ROR2: variants seen among roughly 807,000 people sequenced by gnomAD.
ROR2 encodes tyrosine-protein kinase transmembrane receptor ROR2.
ROR2 carries 33 observed loss-of-function variants against 74.9 expected under a neutral mutation model. That is an observed-to-expected ratio of 0.44 (90% confidence interval 0.33 to 0.59). The LOEUF is 0.59. ROR2 is among the 20% of genes least tolerant of loss of function. ROR2 has a pLI of 0.02. For missense variants in ROR2, 1,216 were observed against 1,313.8 expected, an observed-to-expected ratio of 0.93 and a Z score of 1.15; for synonymous variants, 586 against 558.7, an observed-to-expected ratio of 1.05 and a Z score of -0.69.
rs190987949 is a variant in ROR2, at chr9:91,937,556, C to G, written c.97+12311G>C. 1.0e-3 allele frequency among the ~76,000 whole-genome samples: 158 copies of G among 152,218 alleles called. 1 individual carries two copies. The Middle Eastern group carries it at 0.02, about 20-fold the overall frequency. Reference sequence around the variant, plus strand: ...TCTGGTCAGAGCCAGACAAAGGATTCTTACAAAGCAAGGAGGGAGATGAAG... The same window carrying G: ...TCTGGTCAGAGCCAGACAAAGGATTGTTACAAAGCAAGGAGGGAGATGAAG... On this transcript the variant is annotated intron_variant, in intron 1 of 8. Coordinates refer to ENST00000375708, the MANE Select transcript of ROR2 (RefSeq NM_004560.4).
Position 91,795,210 on chromosome 9 carries a change from G to A in ROR2, c.98-19392C>T, listed in dbSNP as rs145849219. ...CATTTAGATTTCTCTGCCTCTAATC[G>A]CCCCATGCATTTCTAATATGAGACA... is the stretch of plus-strand genomic sequence containing the variant. On this transcript the variant is annotated intron_variant, in intron 1 of 8. Coordinates refer to ENST00000375708, the MANE Select transcript of ROR2 (RefSeq NM_004560.4). Among the ~76,000 whole-genome samples, 313 of 151,860 alleles carry A rather than the reference G, an allele frequency of 2.1e-3. 3 individuals are homozygous for A. Among genetic ancestry groups the A allele is most frequent in the African/African-American group, 6.8e-3 (280 of 41,416 alleles).
At chr9:91,858,470 A>G (rs57464764) in intron 1 of ROR2, among the ~76,000 whole-genome samples, 10,969 of 152,276 alleles carry the variant, frequency 0.072, 467 homozygotes, top group Middle Eastern at 0.14. Context: ...AAAGTGCCCA[A>G]TGAGGAGCAG....
At chr9:91,943,901 A>G (rs977196851) in intron 1 of ROR2, among the ~76,000 whole-genome samples, 1 of 152,236 alleles carries the variant, frequency 6.6e-6, no homozygotes, top group Non-Finnish European at 1.5e-5. Context: ...AACCACCTCA[A>G]CATAGTAAAA....
In ROR2 at chr9:91,911,197, C is replaced by CT. The variant is rs1830971109; in HGVS notation, c.97+38669_97+38670insA. Among the ~76,000 whole-genome samples, 7 of 152,258 alleles carry CT rather than the reference C, an allele frequency of 4.6e-5. No homozygotes were observed. The South Asian group carries it at 1.5e-3, about 32-fold the overall frequency. ...TCTACACACAGGCTCTTTTTGAAAA[C>CT]AATGCACCAGAACAAACTATAGTCA... On this transcript the variant is annotated intron_variant, in intron 1 of 8. Coordinates refer to ENST00000375708, the MANE Select transcript of ROR2 (RefSeq NM_004560.4).
chr9:91,748,996 A>G (rs1416642928), intron 4 of ROR2, among the ~76,000 whole-genome samples: 2 of 152,246 alleles, frequency 1.3e-5, no homozygotes, highest in Non-Finnish European at 2.9e-5. Context: ...ACTGCACTGC[A>G]GCCTGGGCAA....
At chr9:91,863,520 GAAAAC>G (rs1829537576) in intron 1 of ROR2, among the ~76,000 whole-genome samples, 1 of 151,946 alleles carries the variant, frequency 6.6e-6, no homozygotes, top group Non-Finnish European at 1.5e-5. Context: ...TAAAAGAAAA[GAAAAC>G]AAAAACAAAA....
intron 1 of ROR2, among the ~76,000 whole-genome samples, chr9:91,838,128 C>G (rs1828668773): frequency 6.6e-6 from 1 of 152,152 alleles, no homozygotes; most frequent in African/African-American, 2.4e-5. Context: ...GTTCCTTAAC[C>G]TGGGCATACC....
At chr9:91,725,239 T>C in intron 8 of ROR2, 132 bp from the exon 9 acceptor site, 1 of 1,516,430 alleles carries the variant, frequency 6.6e-7, no homozygotes, top group Non-Finnish European at 9.0e-7. Flanking sequence ...CCCGCTGGTT[T>C]TGCCCACCCA....
intron 1 of ROR2, among the ~76,000 whole-genome samples, chr9:91,842,260 C>G (rs1373261439): frequency 6.6e-6 from 1 of 152,224 alleles, no homozygotes; most frequent in South Asian, 2.1e-4. Context: ...CGAGCATACT[C>G]CTGATCCCCA....
intron 1 of ROR2, among the ~76,000 whole-genome samples, chr9:91,935,686 T>G (rs1290790264): frequency 6.6e-6 from 1 of 152,174 alleles, no homozygotes; most frequent in Non-Finnish European, 1.5e-5. Context: ...AGACTGTCTT[T>G]CTACCAGCAC....
At chr9:91,940,481 G>A (rs190745215) in intron 1 of ROR2, among the ~76,000 whole-genome samples, 17 of 152,208 alleles carry the variant, frequency 1.1e-4, no homozygotes, top group African/African-American at 3.6e-4. Flanking sequence ...ACTAGACAAA[G>A]ACAGAGATTT....
In ROR2 at chr9:91,724,877, C is replaced by T. The variant is rs1302094955; in HGVS notation, c.1617G>A (p.Leu539=). ...GCTGGTCCTTGGTCACCACGCCCAG[C>T]AGGCAGACGACGTTGGGGTGTTGCA... is the stretch of plus-strand genomic sequence containing the variant. ...ARLQHPNVVC[L]LGVVTKDQPL... Residue 539 remains leucine (L), a synonymous_variant, in exon 9 of 9, where the codon CTG becomes CTA. Transcript: ENST00000375708. 1.2e-6 allele frequency: 2 copies of T among 1,602,706 alleles called. No homozygotes were observed. Among genetic ancestry groups the T allele is most frequent in the Non-Finnish European group, 1.7e-6 (2 of 1,172,586 alleles).
At chr9:91,773,055 C>T (rs1201274587) in intron 2 of ROR2, among the ~76,000 whole-genome samples, 1 of 152,148 alleles carries the variant, frequency 6.6e-6, no homozygotes, top group Non-Finnish European at 1.5e-5. Flanking sequence ...GTTTCTGCCT[C>T]GCAGGGTTAT....
chr9:91,803,574 G>A (rs1205626316), intron 1 of ROR2, among the ~76,000 whole-genome samples: 1 of 150,678 alleles, frequency 6.6e-6, no homozygotes. Flanking sequence ...CAAACTATGA[G>A]AATTTCACAG....
At chr9:91,944,499 TA>T (rs1831961518) in intron 1 of ROR2, among the ~76,000 whole-genome samples, 1 of 152,194 alleles carries the variant, frequency 6.6e-6, no homozygotes, top group African/African-American at 2.4e-5. Flanking sequence ...TTTGAGCTAA[TA>T]AGCAAATTCC....
chr9:91,816,101 C>T (rs1172119329), intron 1 of ROR2, among the ~76,000 whole-genome samples: 7 of 152,118 alleles, frequency 4.6e-5, no homozygotes, highest in South Asian at 2.1e-4. Context: ...TTCCTCAAGC[C>T]GGTCCATCGG....
At chr9:91,838,995 T>C (rs1339180171) in intron 1 of ROR2, among the ~76,000 whole-genome samples, 1 of 152,016 alleles carries the variant, frequency 6.6e-6, no homozygotes, top group Non-Finnish European at 1.5e-5. Flanking sequence ...AACAACGGAA[T>C]CCTGGGCAAC....
intron 1 of ROR2, among the ~76,000 whole-genome samples, chr9:91,943,704 C>A (rs1268266910): frequency 6.6e-6 from 1 of 152,204 alleles, no homozygotes; most frequent in East Asian, 1.9e-4. Context: ...TCCAACATTA[C>A]GGTTTCTTTT....
intron 4 of ROR2, 28 bp downstream of exon 4, chr9:91,756,043 A>G: frequency 6.2e-7 from 1 of 1,611,706 alleles, no homozygotes; most frequent in East Asian, 2.2e-5. Context: ...GAGCAGCAGA[A>G]CACGGCTTGG....
Sources: gnomAD v4.1 joint callset for allele counts (sites outside exome capture counted in the v4.1 genomes callset) on GRCh38, gnomAD v4.1.1 for gene constraint, MANE v1.5 for transcripts, NCBI Gene and HGNC (gene_info 2026-07-23, HGNC 2026-07-21) for gene names.